The following MTSS1 variants were observed in gnomAD, a reference collection of about 807,000 sequenced individuals.
The protein encoded by MTSS1 is MTSS I-BAR domain containing 1.
MTSS1 carries 18 observed loss-of-function variants against 79.0 expected under a neutral mutation model. The observed-to-expected ratio is 0.23, with a 90% CI of 0.16 to 0.34. The LOEUF is 0.34. Ranked by LOEUF, MTSS1 falls within the 10% of genes least tolerant of loss-of-function variation. The probability of loss-of-function intolerance (pLI) is 1.00; values close to 1 mark genes in which losing one functional copy is unlikely to be tolerated. For missense variants in MTSS1, 815 were observed against 986.2 expected (o/e 0.83, Z 2.33); for synonymous variants, 341 against 368.6 (o/e 0.93, Z 0.86).
chr8:124,558,759 G>A, intron 10 of MTSS1: 1 of 1,584,574 alleles, frequency 6.3e-7, no homozygotes, highest in Non-Finnish European at 8.5e-7. Flanking sequence ...CGAGCTGACA[G>A]AGGTGGGGGA....
intron 3 of MTSS1, among the ~76,000 whole-genome samples, chr8:124,650,694 A>T (rs1161823579): frequency 6.6e-6 from 1 of 152,196 alleles, no homozygotes; most frequent in Non-Finnish European, 1.5e-5. Context: ...TGCGCAGGGC[A>T]GGGTTTGGGT....
intron 3 of MTSS1, among the ~76,000 whole-genome samples, chr8:124,616,638 A>G (rs1361595316): frequency 6.6e-6 from 1 of 152,170 alleles, no homozygotes; most frequent in Non-Finnish European, 1.5e-5. Flanking sequence ...AGAGAAAGGG[A>G]TCCTTTGGAC....
At chr8:124,688,935 GA>G (rs368358900) in intron 3 of MTSS1, among the ~76,000 whole-genome samples, 2,076 of 136,682 alleles carry the variant, frequency 0.015, 18 homozygotes, top group South Asian at 0.033. Context: ...GTGAGCAGAA[GA>G]AAAAAAAAAA....
At position 124,723,883 on chromosome 8, in the gene MTSS1, C is replaced by T. The variant is rs553597926; in HGVS notation, c.72+4001G>A. Among the ~76,000 whole-genome samples the T allele has an allele frequency of 1.6e-4, 24 of 152,330 alleles. No individual in the cohort carries two copies. In the East Asian group the frequency reaches 4.6e-3, roughly 29 times the overall value. On this transcript the variant is annotated intron_variant, in intron 1 of 13. Coordinates refer to ENST00000518547, the MANE Select transcript of MTSS1 (RefSeq NM_014751.6). Reference sequence around the variant, plus strand: ...CTGGCTGAGGCCTTGGTTGGGTTTTCAGTGCTGTCCTGGAGAAAACTTTTT... The same window carrying T: ...CTGGCTGAGGCCTTGGTTGGGTTTTTAGTGCTGTCCTGGAGAAAACTTTTT...
intron 3 of MTSS1, among the ~76,000 whole-genome samples, chr8:124,639,192 C>G (rs773834521): frequency 4.6e-5 from 7 of 151,956 alleles, no homozygotes; most frequent in Non-Finnish European, 7.4e-5. Context: ...CAAAAATTAG[C>G]CGGGCTTTGG....
intron 3 of MTSS1, among the ~76,000 whole-genome samples, chr8:124,620,389 G>A (rs1563875264): frequency 6.6e-6 from 1 of 152,184 alleles, no homozygotes; most frequent in African/African-American, 2.4e-5. Context: ...AATCTTCTAA[G>A]AGAAATAGCT....
At chr8:124,555,696 G>A in intron 13 of MTSS1, 46 bp downstream of exon 13, 1 of 1,524,938 alleles carries the variant, frequency 6.6e-7, no homozygotes, top group South Asian at 1.3e-5. Flanking sequence ...CTCCTCACCT[G>A]GTGCTGCTCA....
At chr8:124,607,686 C>T (rs1301936810) in intron 3 of MTSS1, among the ~76,000 whole-genome samples, 1 of 152,170 alleles carries the variant, frequency 6.6e-6, no homozygotes, top group Non-Finnish European at 1.5e-5. Flanking sequence ...GTTTTAGTTT[C>T]TAGCTCCCAA....
rs968574354 is a variant in MTSS1, at chr8:124,582,869, C to A, written c.460+2218G>T. ...TGTGTTTTCTTCAGTCCATTCTCAGCCATACATATGCCTCCTAGGAGAGCT... is the reference window on the plus strand; with the variant it reads ...TGTGTTTTCTTCAGTCCATTCTCAGACATACATATGCCTCCTAGGAGAGCT... On this transcript the variant is annotated intron_variant, in intron 6 of 13. Transcript: ENST00000518547. This position sits in a 1 kb window ranked among gnomAD's most constrained non-coding sequence, Gnocchi z 4.8. Among the ~76,000 whole-genome samples, 4 of 152,170 alleles carry A rather than the reference C, an allele frequency of 2.6e-5. No homozygotes were observed. The highest frequency in any genetic ancestry group is 9.7e-5 in the African/African-American group (4 of 41,430).
At chr8:124,621,835 C>T (rs1008683941) in intron 3 of MTSS1, among the ~76,000 whole-genome samples, 2 of 152,162 alleles carry the variant, frequency 1.3e-5, no homozygotes, top group African/African-American at 2.4e-5. Context: ...AGGCGTGATC[C>T]ACCACGCCCA....
At chr8:124,575,983 CCTCT>C (rs1339224653) in intron 6 of MTSS1, among the ~76,000 whole-genome samples, 1 of 152,142 alleles carries the variant, frequency 6.6e-6, no homozygotes, top group Non-Finnish European at 1.5e-5. Flanking sequence ...CACCTGTCTT[CCTCT>C]CTATCTCTGT....
chr8:124,623,018 G>T (rs1309574566), intron 3 of MTSS1, among the ~76,000 whole-genome samples: 1 of 152,176 alleles, frequency 6.6e-6, no homozygotes, highest in East Asian at 1.9e-4. Flanking sequence ...GAACGATCCA[G>T]CCTGCTTGCC....
intron 3 of MTSS1, among the ~76,000 whole-genome samples, chr8:124,667,069 T>C (rs967255624): frequency 6.6e-6 from 1 of 152,130 alleles, no homozygotes; most frequent in African/African-American, 2.4e-5. Flanking sequence ...AGAAGCAGGC[T>C]GGGATTCAGG....
chr8:124,573,760 G>A (rs1586913187), intron 6 of MTSS1, among the ~76,000 whole-genome samples: 1 of 152,152 alleles, frequency 6.6e-6, no homozygotes, highest in African/African-American at 2.4e-5. Context: ...AATTGCTTTC[G>A]GCTTTCTTCT....
intron 7 of MTSS1, chr8:124,567,840 G>T: frequency 6.7e-7 from 1 of 1,492,544 alleles, no homozygotes; most frequent in Non-Finnish European, 8.9e-7. Context: ...CTTCGAATCA[G>T]CTTCCAGAAC....
At chr8:124,568,098 G>A (rs1826925331) in intron 7 of MTSS1, 9 of 738,466 alleles carry the variant, frequency 1.2e-5, no homozygotes, top group Middle Eastern at 4.0e-4. Context: ...CAGTTCCCAC[G>A]TGATGCTGCT....
intron 3 of MTSS1, among the ~76,000 whole-genome samples, chr8:124,635,698 A>G (rs775474392): frequency 3.3e-5 from 5 of 152,216 alleles, no homozygotes; most frequent in African/African-American, 1.2e-4. Context: ...TGCAAGATCT[A>G]GTAGACAACG....
intron 6 of MTSS1, chr8:124,580,594 G>C: frequency 2.0e-6 from 3 of 1,535,490 alleles, no homozygotes; most frequent in Non-Finnish European, 2.6e-6. Flanking sequence ...AGAAAGTGCA[G>C]GATACACAAT....
Position 124,611,180 on chromosome 8 carries a change from T to C in MTSS1, c.209-19945A>G, listed in dbSNP as rs1029968913. On this transcript the variant is annotated intron_variant, in intron 3 of 13. Coordinates refer to ENST00000518547, the MANE Select transcript of MTSS1 (RefSeq NM_014751.6). Reference sequence around the variant, plus strand: ...CTAAAGATGGCTTCTCCCAGGGCCCTGCCCATCAATTATCTTTTGAGACAA... The same window carrying C: ...CTAAAGATGGCTTCTCCCAGGGCCCCGCCCATCAATTATCTTTTGAGACAA... 8.3e-5 allele frequency among the ~76,000 whole-genome samples: 12 copies of C among 144,592 alleles called. No homozygotes were observed. The Admixed American group carries it at 8.3e-4, about 10-fold the overall frequency. 94.9% of individuals were successfully genotyped at this position (144,592 alleles called of 152,430 possible).
Sources: gnomAD v4.1 joint callset for allele counts (sites outside exome capture counted in the v4.1 genomes callset) on GRCh38, gnomAD v4.1.1 for gene constraint, Gnocchi (gnomAD v3.1) non-coding constraint, MANE v1.5 for transcripts, NCBI Gene and HGNC (gene_info 2026-07-23, HGNC 2026-07-21) for gene names.